Variants in DKK2 observed in about 807,000 individuals in gnomAD.
The protein encoded by DKK2 is dickkopf-related protein 2.
DKK2 carries 11 observed loss-of-function variants against 28.1 expected under a neutral mutation model. The observed-to-expected ratio is 0.39, with a 90% CI of 0.25 to 0.65. The LOEUF (loss-of-function observed/expected upper bound fraction) is 0.65, where lower values mean the gene tolerates loss of function less well. Ranked by LOEUF, DKK2 falls within the 30% of genes least tolerant of loss-of-function variation. DKK2 has a pLI of 0.47. For missense variants in DKK2, 326 were observed against 335.5 expected (o/e 0.97, Z 0.22); for synonymous variants, 135 against 126.5 (o/e 1.07, Z -0.45).
At chr4:106,954,978 A>T (rs1272522206) in intron 1 of DKK2, among the ~76,000 whole-genome samples, 1 of 152,206 alleles carries the variant, frequency 6.6e-6, no homozygotes, top group Non-Finnish European at 1.5e-5. Flanking sequence ...GTGGACAATG[A>T]CCTCACACAT....
At chr4:106,949,691 A>G (rs916693298) in intron 1 of DKK2, among the ~76,000 whole-genome samples, 9 of 152,064 alleles carry the variant, frequency 5.9e-5, no homozygotes, top group Admixed American at 5.9e-4. Context: ...TCAGCTTTAA[A>G]TAGTCAGTTT....
rs1193282927 is a variant in DKK2 at position 106,972,162 on chromosome 4, C to G, written c.223-46213G>C. 2.0e-5 allele frequency among the ~76,000 whole-genome samples: 3 copies of G among 151,950 alleles called. No individual in the cohort carries two copies. The East Asian group carries it at 5.8e-4, about 29-fold the overall frequency. ...GGATAATTTACTGTAATTTCTTGTG[C>G]CTGAAACCTAGAGAATTATGTGCCA... On this transcript the variant is annotated intron_variant, in intron 1 of 3. Transcript: ENST00000285311.
intron 1 of DKK2, among the ~76,000 whole-genome samples, chr4:106,965,673 C>T (rs1722768101): frequency 6.7e-6 from 1 of 149,976 alleles, no homozygotes; most frequent in Non-Finnish European, 1.5e-5. Flanking sequence ...TATACATGTG[C>T]CATGCTGGTG....
chr4:106,978,459 A>G (rs1357945861), intron 1 of DKK2, among the ~76,000 whole-genome samples: 1 of 152,060 alleles, frequency 6.6e-6, no homozygotes, highest in Non-Finnish European at 1.5e-5. Context: ...GAATCTAGAG[A>G]GGCAGTCTGA....
chr4:106,977,972 G>A (rs564270465), intron 1 of DKK2, among the ~76,000 whole-genome samples: 4 of 152,238 alleles, frequency 2.6e-5, no homozygotes, highest in African/African-American at 9.6e-5. Context: ...CTTTTTGTTA[G>A]TTTTCCTTCT....
At chr4:106,940,441 T>C (rs1467241449) in intron 1 of DKK2, among the ~76,000 whole-genome samples, 1 of 150,754 alleles carries the variant, frequency 6.6e-6, no homozygotes, top group South Asian at 2.1e-4. Flanking sequence ...ATGGCAATCA[T>C]TAAAAAGTCA....
chr4:106,981,591 T>A (rs1252684882), intron 1 of DKK2, among the ~76,000 whole-genome samples: 1 of 152,164 alleles, frequency 6.6e-6, no homozygotes, highest in Admixed American at 6.5e-5. Context: ...AACCAGAAGA[T>A]CCTCCTTCTC....
chr4:106,948,291 C>T (rs984376574), intron 1 of DKK2, among the ~76,000 whole-genome samples: 18 of 152,144 alleles, frequency 1.2e-4, no homozygotes, highest in Non-Finnish European at 5.9e-5. Context: ...AACTTCAAAG[C>T]CTCTGATTCA....
intron 1 of DKK2, among the ~76,000 whole-genome samples, chr4:107,012,252 T>A (rs887511094): frequency 5.3e-5 from 8 of 151,362 alleles, no homozygotes; most frequent in Non-Finnish European, 1.0e-4. Flanking sequence ...ACTTACTTTA[T>A]AAGTAAGAAG....
chr4:107,030,508 A>G (rs1258388796), intron 1 of DKK2, among the ~76,000 whole-genome samples: 4 of 152,066 alleles, frequency 2.6e-5, no homozygotes, highest in African/African-American at 9.7e-5. Context: ...AGACACAAAT[A>G]TCACATAAAC....
chr4:106,961,783 G>A (rs991482305), intron 1 of DKK2, among the ~76,000 whole-genome samples: 1 of 152,030 alleles, frequency 6.6e-6, no homozygotes, highest in African/African-American at 2.4e-5. Context: ...CTTCAAAACT[G>A]TTGACTTTGG....
chr4:106,975,169 CT>C (rs1251078921), intron 1 of DKK2, among the ~76,000 whole-genome samples: 3 of 152,050 alleles, frequency 2.0e-5, no homozygotes, highest in South Asian at 2.1e-4. Context: ...GATTTTCGCA[CT>C]GATGTTCATC....
intron 1 of DKK2, among the ~76,000 whole-genome samples, chr4:106,963,577 G>A (rs1722724662): frequency 6.6e-6 from 1 of 152,142 alleles, no homozygotes; most frequent in African/African-American, 2.4e-5. Context: ...CTCATACACT[G>A]TTGGTGGGAA....
intron 1 of DKK2, among the ~76,000 whole-genome samples, chr4:107,032,980 AATAAAAAAGATAAAGAGACTC>A (rs1463196755): frequency 2.0e-5 from 3 of 152,198 alleles, no homozygotes; most frequent in African/African-American, 7.2e-5. Context: ...ATAACTATAG[AATAAAAAAGATAAAGAGACTC>A]ATAAGTATCC....
chr4:106,928,437 C>A (rs1669121043), intron 1 of DKK2, among the ~76,000 whole-genome samples: 1 of 152,020 alleles, frequency 6.6e-6, no homozygotes, highest in Non-Finnish European at 1.5e-5. Flanking sequence ...AACATAAATA[C>A]TAGGAGACAT....
chr4:107,001,180 G>C (rs1560589485), intron 1 of DKK2, among the ~76,000 whole-genome samples: 1 of 152,080 alleles, frequency 6.6e-6, no homozygotes, highest in African/African-American at 2.4e-5. Context: ...TCACAAATCT[G>C]TACAACATAC....
At chr4:106,987,952 C>A (rs1432872533) in intron 1 of DKK2, among the ~76,000 whole-genome samples, 4 of 151,658 alleles carry the variant, frequency 2.6e-5, no homozygotes, top group Admixed American at 6.6e-5. Context: ...GCAACTTCCG[C>A]CTCCCGGGTT....
At chr4:107,028,450 G>A (rs1723826778) in intron 1 of DKK2, among the ~76,000 whole-genome samples, 2 of 152,110 alleles carry the variant, frequency 1.3e-5, no homozygotes, top group Non-Finnish European at 1.5e-5. Context: ...TTATTCTTCA[G>A]AGTTTTTTTC....
At chr4:106,979,858 A>T (rs17618172) in intron 1 of DKK2, among the ~76,000 whole-genome samples, 3 of 152,178 alleles carry the variant, frequency 2.0e-5, no homozygotes, top group Non-Finnish European at 4.4e-5. Context: ...TTGTTTGCTC[A>T]GCCATGACAT....
Sources: allele counts gnomAD v4.1 joint callset (sites outside exome capture counted in the v4.1 genomes callset), GRCh38; gene constraint gnomAD v4.1.1; transcripts MANE v1.5; gene names NCBI Gene and HGNC (gene_info 2026-07-23, HGNC 2026-07-21).